Variants in SMOC1 observed in about 807,000 individuals in gnomAD.
The protein encoded by SMOC1 is SPARC-related modular calcium-binding protein 1.
SMOC1 carries 22 observed loss-of-function variants against 56.3 expected under a neutral mutation model. That is an observed-to-expected ratio of 0.39 (90% CI 0.28 to 0.56). The LOEUF is 0.56. Ranked by LOEUF, SMOC1 falls within the 20% of genes least tolerant of loss-of-function variation. The probability of loss-of-function intolerance (pLI) is 0.61; values close to 1 mark genes in which losing one functional copy is unlikely to be tolerated. For synonymous variants in SMOC1, 193 were observed against 215.0 expected (o/e 0.90, Z 0.89); for missense variants, 509 against 565.4 (o/e 0.90, Z 1.01).
At chr14:69,919,976 G>A (rs1301335744) in intron 1 of SMOC1, among the ~76,000 whole-genome samples, 1 of 150,368 alleles carries the variant, frequency 6.7e-6, no homozygotes, top group Non-Finnish European at 1.5e-5. Context: ...TAACATGGAG[G>A]TAAGTGCCTG....
chr14:69,913,788 C>T (rs191299390), intron 1 of SMOC1, among the ~76,000 whole-genome samples: 299 of 152,288 alleles, frequency 2.0e-3, no homozygotes, highest in South Asian at 3.3e-3. Flanking sequence ...TAGCTCAATA[C>T]AGCAGCCCTG....
At chr14:69,989,615 G>A (rs1884491438) in intron 5 of SMOC1, among the ~76,000 whole-genome samples, 1 of 152,220 alleles carries the variant, frequency 6.6e-6, no homozygotes, top group African/African-American at 2.4e-5. Flanking sequence ...TTGCTATCCA[G>A]AGAAGTAAAA....
chr14:70,007,820 A>G (rs1416768449), intron 7 of SMOC1, among the ~76,000 whole-genome samples: 1 of 152,236 alleles, frequency 6.6e-6, no homozygotes, highest in Non-Finnish European at 1.5e-5. Flanking sequence ...TGCCTGGCAC[A>G]TATCACTCAA....
chr14:69,982,653 A>C (rs897926792), intron 5 of SMOC1, among the ~76,000 whole-genome samples: 1 of 152,176 alleles, frequency 6.6e-6, no homozygotes, highest in Non-Finnish European at 1.5e-5. Context: ...GGGACATTCC[A>C]CATGTGAAAT....
intron 1 of SMOC1, among the ~76,000 whole-genome samples, chr14:69,949,507 T>C (rs1882915751): frequency 6.6e-6 from 1 of 152,180 alleles, no homozygotes; most frequent in Non-Finnish European, 1.5e-5. Context: ...GCAAATGAAT[T>C]CTTCATTACA....
At chr14:69,921,522 C>T (rs1884842264) in intron 1 of SMOC1, among the ~76,000 whole-genome samples, 1 of 152,182 alleles carries the variant, frequency 6.6e-6, no homozygotes, top group African/African-American at 2.4e-5. Flanking sequence ...TGATGTGTCA[C>T]ATGCTGAGTC....
chr14:69,914,270 A>G (rs1453748610), intron 1 of SMOC1, among the ~76,000 whole-genome samples: 2 of 152,202 alleles, frequency 1.3e-5, no homozygotes, highest in Non-Finnish European at 2.9e-5. Context: ...TTTGTGGGGT[A>G]TAGGGTCTCT....
At chr14:69,890,369 C>G (rs1883927649) in intron 1 of SMOC1, among the ~76,000 whole-genome samples, 1 of 151,850 alleles carries the variant, frequency 6.6e-6, no homozygotes, top group Non-Finnish European at 1.5e-5. Context: ...CCCATTTAGG[C>G]AAAAAAGAAA....
At chr14:70,011,455 C>A in intron 8 of SMOC1, 30 bp from the exon 9 acceptor site, 3 of 1,335,324 alleles carry the variant, frequency 2.2e-6, no homozygotes, top group Non-Finnish European at 3.2e-6. Flanking sequence ...CCAGCCCCTC[C>A]CAACCCCCCC....
intron 3 of SMOC1, among the ~76,000 whole-genome samples, chr14:69,966,162 C>T (rs1437948814): frequency 6.6e-6 from 1 of 152,074 alleles, no homozygotes; most frequent in Non-Finnish European, 1.5e-5. Context: ...TTATTATGTA[C>T]TTTTTAAACA....
At chr14:69,901,509 T>G (rs1884241146) in intron 1 of SMOC1, among the ~76,000 whole-genome samples, 1 of 152,220 alleles carries the variant, frequency 6.6e-6, no homozygotes, top group Non-Finnish European at 1.5e-5. Flanking sequence ...GCTTCTAAGA[T>G]TTTATGAGTT....
intron 1 of SMOC1, among the ~76,000 whole-genome samples, chr14:69,938,751 A>G (rs976341748): frequency 6.6e-6 from 1 of 152,182 alleles, no homozygotes; most frequent in Non-Finnish European, 1.5e-5. Context: ...TGGGGAACAT[A>G]CTGTGATATC....
chr14:70,030,073 C>T (rs1374964360), intron 11 of SMOC1, among the ~76,000 whole-genome samples, 169 bp from the exon 12 acceptor site: 1 of 152,202 alleles, frequency 6.6e-6, no homozygotes, highest in African/African-American at 2.4e-5. Flanking sequence ...CAAGTCCAGG[C>T]AACCTGTGCC....
intron 10 of SMOC1, among the ~76,000 whole-genome samples, chr14:70,013,963 A>G (rs774763045): frequency 6.6e-6 from 1 of 152,218 alleles, no homozygotes; most frequent in Non-Finnish European, 1.5e-5. Flanking sequence ...CTGGACACTC[A>G]TATAGCCAAA....
At chr14:70,029,095 A>T (rs1167960192) in intron 11 of SMOC1, among the ~76,000 whole-genome samples, 1 of 152,192 alleles carries the variant, frequency 6.6e-6, no homozygotes, top group African/African-American at 2.4e-5. Context: ...GTTCAGGGGC[A>T]TGCACAGAGT....
intron 3 of SMOC1, among the ~76,000 whole-genome samples, chr14:69,963,573 CT>C (rs1883462963): frequency 6.6e-6 from 1 of 151,922 alleles, no homozygotes; most frequent in South Asian, 2.1e-4. Flanking sequence ...CCTCCCGCCC[CT>C]CCCCCAATGG....
rs557972696 is a variant in SMOC1, at chr14:69,982,084, G to A, written c.526+4119G>A. Among the ~76,000 whole-genome samples the A allele has an allele frequency of 6.6e-5, 10 of 152,308 alleles. No homozygotes were observed. The South Asian group carries it at 2.1e-3, about 32-fold the overall frequency. ...AGTGCCCAGAGCATCAGAGGCCATGGGGTGATGCTGTGATAAATGGCAAGT... is the reference window on the plus strand; with the variant it reads ...AGTGCCCAGAGCATCAGAGGCCATGAGGTGATGCTGTGATAAATGGCAAGT... On this transcript the variant is annotated intron_variant, in intron 5 of 11. Coordinates refer to ENST00000361956, the MANE Select transcript of SMOC1 (RefSeq NM_001034852.3).
intron 3 of SMOC1, among the ~76,000 whole-genome samples, chr14:69,966,038 C>T (rs957893289): frequency 2.6e-5 from 4 of 152,060 alleles, no homozygotes; most frequent in Non-Finnish European, 5.9e-5. Context: ...AAAGTGAAGT[C>T]AGACAGGAGA....
In SMOC1 at chr14:70,023,142, A is replaced by G. The variant is rs189980507; in HGVS notation, c.1047-61A>G. ...TCTGGGGGCAGTCATACCAGGGCTG[A>G]TGGTTCCTGCAAGATCCTGATTGGT... On this transcript the variant is annotated intron_variant, in intron 10 of 11. Coordinates refer to ENST00000361956, the MANE Select transcript of SMOC1 (RefSeq NM_001034852.3). The G allele has an allele frequency of 1.2e-3, 1,924 of 1,612,134 alleles. 2 individuals are homozygous for G. Among genetic ancestry groups the G allele is most frequent in the Admixed American group, 2.7e-3 (159 of 59,986 alleles).
Sources: allele counts gnomAD v4.1 joint callset (sites outside exome capture counted in the v4.1 genomes callset), GRCh38; gene constraint gnomAD v4.1.1; transcripts MANE v1.5; gene names NCBI Gene and HGNC (gene_info 2026-07-23, HGNC 2026-07-21).